The following SEPSECS variants were observed in gnomAD, a reference collection of about 807,000 sequenced individuals.
SEPSECS encodes the protein O-phosphoseryl-tRNA(Sec) selenium transferase.
SEPSECS carries 42 observed loss-of-function variants against 52.1 expected under a neutral mutation model. The ratio of observed to expected loss-of-function variants is 0.81; its 90% CI spans 0.63 to 1.04. SEPSECS has a LOEUF of 1.04. Ranked by LOEUF, SEPSECS falls within the 50% of genes least tolerant of loss-of-function variation. SEPSECS has a pLI of 0.00. For synonymous variants in SEPSECS, 216 were observed against 211.4 expected, an observed-to-expected ratio of 1.02 and a Z score of -0.19; for missense variants, 590 against 610.6, an observed-to-expected ratio of 0.97 and a Z score of 0.36.
At chr4:25,135,260 A>G (rs1728791205) in intron 8 of SEPSECS, among the ~76,000 whole-genome samples, 1 of 152,044 alleles carries the variant, frequency 6.6e-6, no homozygotes, top group Admixed American at 6.6e-5. Context: ...AAAAAAAAAA[A>G]AGTCAACGAA....
intron 5 of SEPSECS, among the ~76,000 whole-genome samples, chr4:25,153,796 G>A (rs1246873817): frequency 6.6e-6 from 1 of 151,942 alleles, no homozygotes; most frequent in African/African-American, 2.4e-5. Flanking sequence ...TTACACAACG[G>A]TGACAAATGA....
At chr4:25,141,379 A>T (rs1208784648) in intron 8 of SEPSECS, among the ~76,000 whole-genome samples, 1 of 152,022 alleles carries the variant, frequency 6.6e-6, no homozygotes, top group Admixed American at 6.6e-5. Context: ...CTTAATCCTA[A>T]ACTTGTATAT....
chr4:25,123,725 C>G lies in SEPSECS; in HGVS notation c.*206G>C. The G allele has an allele frequency of 1.7e-6, 1 of 577,918 alleles. No homozygotes were observed. Among genetic ancestry groups the G allele is most frequent in the Non-Finnish European group, 3.1e-6 (1 of 323,298 alleles). 35.8% of individuals were successfully genotyped at this position (577,918 alleles called of 1,614,324 possible). ...GAAAAATGCTAATTGTATATTATAACCTGTTAAGGATCACAAGGATTGATG... is the reference window on the plus strand; with the variant it reads ...GAAAAATGCTAATTGTATATTATAAGCTGTTAAGGATCACAAGGATTGATG... On this transcript the variant is annotated 3_prime_UTR_variant, in exon 11 of 11. Transcript: ENST00000382103.
At chr4:25,147,098 C>T (rs184137122) in intron 6 of SEPSECS, among the ~76,000 whole-genome samples, 1 of 152,332 alleles carries the variant, frequency 6.6e-6, no homozygotes, top group Non-Finnish European at 1.5e-5. Flanking sequence ...ACGCTCCTGC[C>T]TCAGAGTCTT....
chr4:25,153,443 A>C (rs1577627361), intron 5 of SEPSECS, among the ~76,000 whole-genome samples: 3 of 151,924 alleles, frequency 2.0e-5, no homozygotes, highest in African/African-American at 7.2e-5. Flanking sequence ...GTGTTAAAAA[A>C]AAAAAGTATT....
chr4:25,146,495 C>A (rs1337436163), intron 6 of SEPSECS, among the ~76,000 whole-genome samples: 3 of 151,946 alleles, frequency 2.0e-5, no homozygotes, highest in Admixed American at 6.6e-5. Context: ...GGAAAACATG[C>A]GAAGTAGCAG....
At chr4:25,154,672 T>C (rs1455262906) in intron 5 of SEPSECS, among the ~76,000 whole-genome samples, 1 of 152,064 alleles carries the variant, frequency 6.6e-6, no homozygotes, top group Non-Finnish European at 1.5e-5. Context: ...ACATTTAGCT[T>C]AGAAAAGAAA....
At chr4:25,158,600 G>T (rs1007480081) in intron 2 of SEPSECS, among the ~76,000 whole-genome samples, 1 of 151,346 alleles carries the variant, frequency 6.6e-6, no homozygotes, top group Non-Finnish European at 1.5e-5. Flanking sequence ...CACTACAAAT[G>T]TTAGAAAAGA....
intron 6 of SEPSECS, among the ~76,000 whole-genome samples, chr4:25,148,074 C>T (rs1712073151): frequency 6.6e-6 from 1 of 152,088 alleles, no homozygotes; most frequent in Admixed American, 6.5e-5. Context: ...AGTAGAGGGC[C>T]AGGCACGGTG....
chr4:25,128,497 C>G (rs1310573164), intron 8 of SEPSECS, among the ~76,000 whole-genome samples: 2 of 151,746 alleles, frequency 1.3e-5, no homozygotes, highest in Non-Finnish European at 2.9e-5. Context: ...TAAAAATTGT[C>G]CCACTCTGAA....
intron 6 of SEPSECS, among the ~76,000 whole-genome samples, chr4:25,149,224 AT>A (rs1051056577): frequency 6.6e-6 from 1 of 151,526 alleles, no homozygotes; most frequent in Middle Eastern, 3.2e-3. Context: ...CACCCAGAGA[AT>A]TTTTTTTTAA....
chr4:25,151,282 A>C (rs2109028260), intron 6 of SEPSECS, among the ~76,000 whole-genome samples: 1 of 152,338 alleles, frequency 6.6e-6, no homozygotes, highest in South Asian at 2.1e-4. Flanking sequence ...TGGGATGAGC[A>C]AGAGCAAAGG....
Position 25,160,289 on chromosome 4 carries a change from C to T in SEPSECS, c.81G>A (p.Ser27=). Residue 27 remains serine (S), a synonymous_variant, in exon 1 of 11, where the codon TCG becomes TCA. Transcript: ENST00000382103. ...YVRQGCEARR[S]HEHLIRLLLE... is the part of the protein sequence containing the mutation. ...GAAGCAGCCGTATGAGGTGCTCATG[C>T]GAGCGGCGGGCCTCACAGCCCTGCC... 3 of 1,554,386 alleles carry T rather than the reference C, an allele frequency of 1.9e-6. No individual in the cohort carries two copies. The highest frequency in any genetic ancestry group is 1.4e-5 in the African/African-American group (1 of 73,442).
chr4:25,126,396 T>C (rs1728372791), intron 9 of SEPSECS, among the ~76,000 whole-genome samples: 1 of 152,174 alleles, frequency 6.6e-6, no homozygotes, highest in Non-Finnish European at 1.5e-5. Context: ...ACATAGATCA[T>C]AAATCAGCAA....
intron 8 of SEPSECS, among the ~76,000 whole-genome samples, chr4:25,129,095 T>C (rs1728507099): frequency 6.6e-6 from 1 of 152,210 alleles, no homozygotes; most frequent in Admixed American, 6.5e-5. Context: ...ATAAAATTAA[T>C]TCTCAGAATG....
At chr4:25,130,110 C>T (rs1170200661) in intron 8 of SEPSECS, among the ~76,000 whole-genome samples, 3 of 152,192 alleles carry the variant, frequency 2.0e-5, no homozygotes, top group Non-Finnish European at 4.4e-5. Flanking sequence ...ATCCATCCTT[C>T]ATTTATCCTC....
rs1264230973 is a variant in SEPSECS at position 25,124,137 on chromosome 4, G to A, written c.1300C>T (p.Leu434Phe). Residue 434 changes from leucine to phenylalanine, a missense_variant, in exon 11 of 11, where the codon CTC becomes TTC. Transcript: ENST00000382103. ...SHTNNYPCAY[L>F]NAASAIGMKM... ...ATTCCGATGGCTGATGCAGCATTGA[G>A]GTAAGCACAAGGGTAATTATTTGTA... The A allele has an allele frequency of 1.8e-5, 29 of 1,613,646 alleles. No individual in the cohort carries two copies. The highest frequency in any genetic ancestry group is 2.3e-5 in the Non-Finnish European group (27 of 1,179,724).
At chr4:25,159,209 C>G in intron 1 of SEPSECS, 102 bp from the exon 2 acceptor site, 6 of 1,018,014 alleles carry the variant, frequency 5.9e-6, no homozygotes, top group Non-Finnish European at 8.4e-6. Context: ...TTTTGCCACG[C>G]TGCTTGTTTT....
At chr4:25,148,766 C>G (rs903358226) in intron 6 of SEPSECS, among the ~76,000 whole-genome samples, 2 of 152,098 alleles carry the variant, frequency 1.3e-5, no homozygotes, top group African/African-American at 4.8e-5. Context: ...TAATGGATAG[C>G]CTAAGTACTC....
Sources: allele counts gnomAD v4.1 joint callset (sites outside exome capture counted in the v4.1 genomes callset), GRCh38; gene constraint gnomAD v4.1.1; transcripts MANE v1.5; gene names NCBI Gene and HGNC (gene_info 2026-07-23, HGNC 2026-07-21).